Variants in EFNA5 observed in about 807,000 individuals in gnomAD.
EFNA5 encodes ephrin-A5.
In EFNA5, 5 loss-of-function variants were observed where a neutral mutation model predicts 22.9. The observed-to-expected ratio is 0.22, with a 90% CI of 0.11 to 0.46. EFNA5 has a LOEUF of 0.46. EFNA5 is among the 20% of genes least tolerant of loss of function. The pLI is 0.99. For missense variants in EFNA5, 237 were observed against 293.3 expected (o/e 0.81, Z 1.40); for synonymous variants, 113 against 112.2 (o/e 1.01, Z -0.04).
intron 2 of EFNA5, among the ~76,000 whole-genome samples, chr5:107,420,358 C>T (rs1040880281): frequency 3.3e-5 from 5 of 151,580 alleles, no homozygotes; most frequent in African/African-American, 9.7e-5. Flanking sequence ...AATATTTCAT[C>T]GAGACTCAAA....
At chr5:107,553,204 C>G (rs1322549338) in intron 1 of EFNA5, among the ~76,000 whole-genome samples, 6 of 152,158 alleles carry the variant, frequency 3.9e-5, no homozygotes, top group African/African-American at 1.4e-4. Context: ...CCCCAGGGGC[C>G]TTATTAAACT....
intron 1 of EFNA5, among the ~76,000 whole-genome samples, chr5:107,592,137 AAT>A (rs1361365207): frequency 7.4e-6 from 1 of 135,558 alleles, no homozygotes; most frequent in Non-Finnish European, 1.5e-5. Flanking sequence ...ATATAGAATA[AAT>A]GAGTCAATGA....
chr5:107,490,183 T>C (rs1289475047), intron 1 of EFNA5, among the ~76,000 whole-genome samples: 1 of 152,184 alleles, frequency 6.6e-6, no homozygotes, highest in Non-Finnish European at 1.5e-5. Flanking sequence ...TGTGCTTGGG[T>C]GTTCTGTCTC....
chr5:107,440,253 AT>A (rs1301012395), intron 1 of EFNA5, among the ~76,000 whole-genome samples: 15 of 152,338 alleles, frequency 9.8e-5, no homozygotes, highest in Admixed American at 2.6e-4. Flanking sequence ...TCAGAAATAA[AT>A]CTAAGCACTT....
intron 1 of EFNA5, among the ~76,000 whole-genome samples, chr5:107,461,332 C>A (rs1029807258): frequency 6.6e-6 from 1 of 152,038 alleles, no homozygotes; most frequent in African/African-American, 2.4e-5. Flanking sequence ...ACAGAACTTG[C>A]CTAACAGTAG....
At chr5:107,421,939 G>A (rs1314511205) in intron 2 of EFNA5, among the ~76,000 whole-genome samples, 1 of 151,986 alleles carries the variant, frequency 6.6e-6, no homozygotes, top group Non-Finnish European at 1.5e-5. Flanking sequence ...TTACAGGCAT[G>A]AGCTACCACG....
intron 2 of EFNA5, among the ~76,000 whole-genome samples, chr5:107,419,197 A>C (rs1195776082): frequency 6.6e-6 from 1 of 152,234 alleles, no homozygotes. Flanking sequence ...AATTACAATT[A>C]ACAGAATAAT....
At chr5:107,615,745 C>T (rs772892955) in intron 1 of EFNA5, among the ~76,000 whole-genome samples, 2 of 152,116 alleles carry the variant, frequency 1.3e-5, no homozygotes, top group Non-Finnish European at 2.9e-5. Context: ...TAGCTCATGA[C>T]GAGAAACCTC....
chr5:107,390,946 G>T (rs1580418975), intron 2 of EFNA5, among the ~76,000 whole-genome samples: 1 of 152,196 alleles, frequency 6.6e-6, no homozygotes. Flanking sequence ...ATCACTTAAG[G>T]CCAGGAGTTC....
chr5:107,575,149 A>G (rs1748900812), intron 1 of EFNA5, among the ~76,000 whole-genome samples: 1 of 152,252 alleles, frequency 6.6e-6, no homozygotes, highest in African/African-American at 2.4e-5. Context: ...AGGTATAAAT[A>G]TAACAAGCAG....
chr5:107,650,692 C>T (rs887822099), intron 1 of EFNA5, among the ~76,000 whole-genome samples: 6 of 152,190 alleles, frequency 3.9e-5, no homozygotes, highest in Non-Finnish European at 7.4e-5. Flanking sequence ...AATTTCCTGA[C>T]TGTATGATTG....
At chr5:107,429,180 C>T (rs562892875) in intron 1 of EFNA5, among the ~76,000 whole-genome samples, 170 of 152,322 alleles carry the variant, frequency 1.1e-3, no homozygotes, top group Non-Finnish European at 2.0e-3. Context: ...CAGTGGCTCA[C>T]GCCTGTAATC....
At chr5:107,554,443 T>G (rs1362558834) in intron 1 of EFNA5, among the ~76,000 whole-genome samples, 1 of 152,160 alleles carries the variant, frequency 6.6e-6, no homozygotes, top group Admixed American at 6.5e-5. Flanking sequence ...TCTATGACAC[T>G]GATATGGGAA....
At chr5:107,408,688 TC>T (rs1748284391) in intron 2 of EFNA5, among the ~76,000 whole-genome samples, 1 of 152,178 alleles carries the variant, frequency 6.6e-6, no homozygotes, top group Non-Finnish European at 1.5e-5. Flanking sequence ...TTGGCACAGA[TC>T]CCTTCATTCT....
intron 1 of EFNA5, among the ~76,000 whole-genome samples, chr5:107,653,295 G>C (rs1209220319): frequency 2.6e-5 from 4 of 151,932 alleles, no homozygotes; most frequent in Admixed American, 1.3e-4. Context: ...CAGCGTTTCT[G>C]CACTTCAGTC....
intron 2 of EFNA5, among the ~76,000 whole-genome samples, chr5:107,398,854 C>CAA (rs1214380627): frequency 0.01 from 656 of 64,910 alleles, 7 homozygotes; most frequent in Middle Eastern, 0.028. Context: ...GACACTGCCT[C>CAA]AAAAAAAAAA....
chr5:107,466,762 G>A (rs1191895610), intron 1 of EFNA5, among the ~76,000 whole-genome samples: 1 of 152,250 alleles, frequency 6.6e-6, no homozygotes, highest in East Asian at 1.9e-4. Flanking sequence ...GATGCACAAA[G>A]GCTTGAGCGT....
At chr5:107,543,461 A>C (rs1748087227) in intron 1 of EFNA5, among the ~76,000 whole-genome samples, 1 of 152,172 alleles carries the variant, frequency 6.6e-6, no homozygotes, top group South Asian at 2.1e-4. Flanking sequence ...TATCTTCCTT[A>C]CCCAAAAAAT....
chr5:107,402,528 CATGCATTTATTT>C (rs1297833604), intron 2 of EFNA5, among the ~76,000 whole-genome samples: 4 of 152,204 alleles, frequency 2.6e-5, no homozygotes, highest in African/African-American at 7.2e-5. Context: ...AAAACCAATG[CATGCATTTATTT>C]ATCATGCCAC....
Sources: gnomAD v4.1 joint callset for allele counts (sites outside exome capture counted in the v4.1 genomes callset) on GRCh38, gnomAD v4.1.1 for gene constraint, MANE v1.5 for transcripts, NCBI Gene and HGNC (gene_info 2026-07-23, HGNC 2026-07-21) for gene names.